Variants in CD163L1 observed in about 807,000 individuals in gnomAD.
CD163L1 encodes the protein scavenger receptor cysteine-rich type 1 protein M160.
CD163L1 carries 124 observed loss-of-function variants against 165.4 expected under a neutral mutation model. The ratio of observed to expected loss-of-function variants is 0.75; its 90% CI spans 0.65 to 0.87. The LOEUF (loss-of-function observed/expected upper bound fraction) is 0.87. Ranked by LOEUF, CD163L1 falls within the 40% of genes least tolerant of loss-of-function variation. The pLI is 0.00. For synonymous variants in CD163L1, 585 were observed against 662.2 expected (o/e 0.88, Z 1.79); for missense variants, 1,525 against 1,799.9 (o/e 0.85, Z 2.76).
At chr12:7,344,147 C>T (rs779249529), downstream of CD163L1, among the ~76,000 whole-genome samples, 4 of 150,494 alleles carry the variant, frequency 2.7e-5, no homozygotes, top group Admixed American at 6.6e-5. Context: ...AGTGGGTTAT[C>T]GTGGCTCACT....
chr12:7,379,019 G>T lies in CD163L1; in HGVS notation c.2330C>A (p.Thr777Asn), dbSNP rs1947328748. ...WDCIRWEWKQTACHLNMEASL... is the reference protein window; with the variant it reads ...WDCIRWEWKQNACHLNMEASL... ...TGCTTCCATATTTAAATGACACGCA[G>T]TCTGTTTCCACTCCCATCGTATACA... The change falls in exon 9 of 20, where the codon ACT becomes AAT. Residue 777 changes from threonine to asparagine, a missense_variant. Coordinates refer to ENST00000313599, the MANE Select transcript of CD163L1 (RefSeq NM_174941.6). 2 of 1,612,168 alleles carry T rather than the reference G, an allele frequency of 1.2e-6. No homozygotes were observed. The highest frequency in any genetic ancestry group is 1.7e-6 in the Non-Finnish European group (2 of 1,178,282).
rs1947180612 is a variant in CD163L1, at chr12:7,373,285, C to T, written c.3730+35G>A. Reference sequence around the variant, plus strand: ...TTATGGTAAGTTATATTTCACAGGGCTTCAGTGACAGCTGGTGTTTAGAAA... The same window carrying T: ...TTATGGTAAGTTATATTTCACAGGGTTTCAGTGACAGCTGGTGTTTAGAAA... On this transcript the variant is annotated intron_variant, in intron 14 of 19. Coordinates refer to ENST00000313599, the MANE Select transcript of CD163L1 (RefSeq NM_174941.6). 3 of 1,533,004 alleles carry T rather than the reference C, an allele frequency of 2.0e-6. No individual in the cohort carries two copies. The East Asian group carries it at 6.8e-5, about 35-fold the overall frequency. 95.0% of individuals were successfully genotyped at this position (1,533,004 alleles called of 1,614,324 possible). A position where few individuals can be genotyped will look rare whatever the true frequency, so the allele number is the denominator to read the frequency against.
chr12:7,356,220 T>C (rs1322101467), intron 19 of CD163L1, among the ~76,000 whole-genome samples: 1 of 152,138 alleles, frequency 6.6e-6, no homozygotes, highest in Non-Finnish European at 1.5e-5. Flanking sequence ...CAATGAACTT[T>C]TCCAAATAGA....
At position 7,396,130 on chromosome 12, in the gene CD163L1, C is replaced by CA. The variant is rs1565793213; in HGVS notation, c.2014dup (p.Cys672LeufsTer5). ...CACTCCAACATCTTCACTGTGACTG[C>CA]AGTCATTATTTCCCCACCCACTGTT... is the stretch of plus-strand genomic sequence containing the variant. On this transcript the variant is annotated frameshift_variant, in exon 8 of 20. Coordinates refer to ENST00000313599, the MANE Select transcript of CD163L1 (RefSeq NM_174941.6). LOFTEE classifies it high-confidence loss of function. 6.2e-7 allele frequency: 1 copy of CA among 1,613,934 alleles called. No homozygotes were observed. Among genetic ancestry groups the CA allele is most frequent in the Non-Finnish European group, 8.5e-7 (1 of 1,179,900 alleles).
chr12:7,367,136 C>T, intron 18 of CD163L1, 100 bp downstream of exon 18: 1 of 617,014 alleles, frequency 1.6e-6, no homozygotes, highest in Non-Finnish European at 2.9e-6. Context: ...GTATAAGAGG[C>T]TGAGACACAT....
chr12:7,433,397 T>C lies in CD163L1; in HGVS notation c.422A>G (p.Glu141Gly), dbSNP rs942990890. The C allele has an allele frequency of 1.3e-6, 2 of 1,598,364 alleles. No homozygotes were observed. Among genetic ancestry groups the C allele is most frequent in the South Asian group, 1.2e-5 (1 of 86,954 alleles). The change falls in exon 3 of 20, where the codon GAA becomes GGA. Residue 141 changes from glutamate (E) to glycine (G), a missense_variant. Physicochemically the swap from Glu to Gly is moderately conservative, Grantham distance 98. Transcript: ENST00000313599. The part of the protein sequence containing the change: ...EWGSHNCYHG[E>G]DVGVNCYGEA... ...ACCATAACAGTTCACACCAACATCT[T>C]CTCCATGATAACAGTTATGGCTTCC...
chr12:7,409,667 C>CG (rs1948095575), intron 4 of CD163L1, among the ~76,000 whole-genome samples: 1 of 152,154 alleles, frequency 6.6e-6, no homozygotes, highest in South Asian at 2.1e-4. Flanking sequence ...GTTTACAGCC[C>CG]GGGGGTTGGA....
intron 8 of CD163L1, among the ~76,000 whole-genome samples, chr12:7,381,856 T>C (rs1349743181): frequency 6.6e-6 from 1 of 151,946 alleles, no homozygotes; most frequent in African/African-American, 2.4e-5. Flanking sequence ...TGTAGCAACA[T>C]ATTCCACTCT....
At chr12:7,417,753 G>A (rs977902807) in intron 4 of CD163L1, among the ~76,000 whole-genome samples, 1 of 151,914 alleles carries the variant, frequency 6.6e-6, no homozygotes, top group Admixed American at 6.6e-5. Context: ...TGCATCCTAG[G>A]GATGAAGACG....
At chr12:7,360,687 G>A (rs73059731) in intron 18 of CD163L1, among the ~76,000 whole-genome samples, 14,799 of 151,996 alleles carry the variant, frequency 0.097, 910 homozygotes, top group Non-Finnish European at 0.14. Context: ...TTCTCCATTA[G>A]TTTCTGGAAA....
the CD163L1 span, chr12:7,322,625 A>G: frequency 3.1e-5 from 46 of 1,482,554 alleles, no homozygotes; most frequent in Non-Finnish European, 4.0e-5. Flanking sequence ...AAGTGCCCCC[A>G]TCCCACTGTA....
rs1026834909 is a variant in CD163L1, at chr12:7,436,867, C to T, written c.125-3173G>A. On this transcript the variant is annotated intron_variant, in intron 2 of 19. Transcript: ENST00000313599. ...GAAATACAAAGCAATTAAATAACTTCAATAATCACTCATAAGGTCTTATTA... is the reference window on the plus strand; with the variant it reads ...GAAATACAAAGCAATTAAATAACTTTAATAATCACTCATAAGGTCTTATTA... Among the ~76,000 whole-genome samples, 5 of 151,660 alleles carry T rather than the reference C, an allele frequency of 3.3e-5. No individual in the cohort carries two copies. In the South Asian group the frequency reaches 1.0e-3, roughly 32 times the overall value.
chr12:7,439,118 G>A (rs1565821196), intron 2 of CD163L1: 4 of 1,572,546 alleles, frequency 2.5e-6, no homozygotes, highest in Admixed American at 2.1e-5. Flanking sequence ...TGCACTTTTA[G>A]TGTTTTGTTT....
At chr12:7,365,351 C>G (rs1426962538) in intron 18 of CD163L1, among the ~76,000 whole-genome samples, 1 of 152,046 alleles carries the variant, frequency 6.6e-6, no homozygotes, top group Non-Finnish European at 1.5e-5. Flanking sequence ...GGATATTGGT[C>G]TGGGCAAAGA....
rs746456424 is a variant in CD163L1 at position 7,398,615 on chromosome 12, A to C, written c.1409-31T>G. 6.6e-7 allele frequency: 1 copy of C among 1,512,654 alleles called. No homozygotes were observed. Among genetic ancestry groups the C allele is most frequent in the South Asian group, 1.4e-5 (1 of 73,990 alleles). 93.7% of individuals were successfully genotyped at this position (1,512,654 alleles called of 1,614,324 possible). A position where few individuals can be genotyped will look rare whatever the true frequency, so the allele number is the denominator to read the frequency against. On this transcript the variant is annotated intron_variant, in intron 6 of 19. Transcript: ENST00000313599. The surrounding 1 kb of genome is among the most constrained non-coding windows in gnomAD (Gnocchi z 4.5). ...AGCAAGACAAAACCACATATTTGAG[A>C]TCAAATGAGAGAGTCTTTTCAGAAG... is the stretch of plus-strand genomic sequence containing the variant.
At chr12:7,408,056 C>A (rs1218012740) in intron 4 of CD163L1, among the ~76,000 whole-genome samples, 2 of 147,700 alleles carry the variant, frequency 1.4e-5, no homozygotes, top group African/African-American at 5.2e-5. Flanking sequence ...TATTTTTACA[C>A]TTAGCAAAAC....
At position 7,375,583 on chromosome 12, in the gene CD163L1, A is replaced by T; in HGVS notation, c.2699T>A (p.Val900Asp). The T allele has an allele frequency of 6.2e-7, 1 of 1,612,658 alleles. No individual in the cohort carries two copies. The highest frequency in any genetic ancestry group is 8.5e-7 in the Non-Finnish European group (1 of 1,180,012). ...CTGGGATTTGCCATTCACAAGTCGGACATCTGTATATCCTAGGAGGAGACA... is the reference window on the plus strand; with the variant it reads ...CTGGGATTTGCCATTCACAAGTCGGTCATCTGTATATCCTAGGAGGAGACA... ...VGVVCSRYTD[V>D]RLVNGKSQCD... Residue 900 changes from valine (V) to aspartate (D), a missense_variant, in exon 11 of 20, where the codon GTC becomes GAC. Coordinates refer to ENST00000313599, the MANE Select transcript of CD163L1 (RefSeq NM_174941.6).
At chr12:7,405,126 T>C (rs1947992006) in intron 5 of CD163L1, among the ~76,000 whole-genome samples, 1 of 152,182 alleles carries the variant, frequency 6.6e-6, no homozygotes, top group Non-Finnish European at 1.5e-5. Context: ...TGGCCCTTCC[T>C]TACTCTTCCA....
intron 2 of CD163L1, among the ~76,000 whole-genome samples, chr12:7,434,194 G>T (rs927570877): frequency 3.3e-5 from 5 of 152,110 alleles, no homozygotes; most frequent in African/African-American, 1.2e-4. Flanking sequence ...TATATCCTCA[G>T]ATGTTTTAAA....
Sources: allele counts gnomAD v4.1 joint callset (sites outside exome capture counted in the v4.1 genomes callset), GRCh38; gene constraint gnomAD v4.1.1; non-coding constraint Gnocchi (gnomAD v3.1); transcripts MANE v1.5; gene names NCBI Gene and HGNC (gene_info 2026-07-23, HGNC 2026-07-21).